CEP128: variants seen among roughly 807,000 people sequenced by gnomAD.
The protein encoded by CEP128 is centrosomal protein 128, also known as centrosomal protein 128kDa.
Under a neutral mutation model 156.7 loss-of-function variants are expected in CEP128, and 132 were observed. The observed-to-expected ratio is 0.84, with a 90% confidence interval of 0.73 to 0.97. The LOEUF (loss-of-function observed/expected upper bound fraction) is 0.97, where lower values mean the gene tolerates loss of function less well. Ranked by LOEUF, CEP128 falls within the 50% of genes least tolerant of loss-of-function variation. CEP128 has a pLI of 0.00. For synonymous variants in CEP128, 469 were observed against 448.9 expected, an observed-to-expected ratio of 1.04 and a Z score of -0.57; for missense variants, 1,252 against 1,281.9, an observed-to-expected ratio of 0.98 and a Z score of 0.36.
At chr14:80,945,043 A>G (rs1163646159), upstream of CEP128, among the ~76,000 whole-genome samples, 1 of 152,088 alleles carries the variant, frequency 6.6e-6, no homozygotes, top group Non-Finnish European at 1.5e-5. Flanking sequence ...TTAGTTTACT[A>G]GGGATTTGAT....
chr14:80,701,346 C>G (rs1416320307), intron 19 of CEP128, among the ~76,000 whole-genome samples: 1 of 152,126 alleles, frequency 6.6e-6, no homozygotes, highest in Non-Finnish European at 1.5e-5. Context: ...TGGACACATA[C>G]CCAGGTCTCA....
intron 9 of CEP128, among the ~76,000 whole-genome samples, chr14:80,860,623 A>T (rs1887468853): frequency 6.9e-6 from 1 of 145,864 alleles, no homozygotes; most frequent in Admixed American, 6.9e-5. Context: ...AATCAAGGTT[A>T]AAAAAAAAAA....
intron 19 of CEP128, among the ~76,000 whole-genome samples, chr14:80,733,407 T>C (rs1260195588): frequency 2.7e-5 from 4 of 150,656 alleles, no homozygotes; most frequent in Admixed American, 6.7e-5. Context: ...TGAACATACA[T>C]AGAAACACAC....
At chr14:80,907,272 G>GA (rs144084629) in intron 4 of CEP128, among the ~76,000 whole-genome samples, 234 of 147,338 alleles carry the variant, frequency 1.6e-3, no homozygotes, top group Non-Finnish European at 1.4e-3. Context: ...ATTTCCGAAA[G>GA]AAAAAAAAAA....
chr14:80,757,376 CTTTAA>C (rs1178655840), intron 17 of CEP128, among the ~76,000 whole-genome samples: 3 of 152,134 alleles, frequency 2.0e-5, no homozygotes, highest in Non-Finnish European at 4.4e-5. Flanking sequence ...ATTTATCCTT[CTTTAA>C]TTTAATAGTA....
At chr14:80,886,428 C>G (rs1358071403) in intron 8 of CEP128, among the ~76,000 whole-genome samples, 1 of 152,204 alleles carries the variant, frequency 6.6e-6, no homozygotes, top group Non-Finnish European at 1.5e-5. Context: ...TACAGCAGAT[C>G]TCTCAGCAGA....
intron 13 of CEP128, among the ~76,000 whole-genome samples, chr14:80,821,977 C>G (rs1182130303): frequency 6.6e-6 from 1 of 152,016 alleles, no homozygotes; most frequent in African/African-American, 2.4e-5. Flanking sequence ...CTCTGCTTTA[C>G]AAAACCATCA....
downstream of CEP128, among the ~76,000 whole-genome samples, chr14:80,485,788 G>A (rs927523714): frequency 3.3e-5 from 5 of 152,226 alleles, no homozygotes; most frequent in Non-Finnish European, 7.3e-5. Flanking sequence ...GGAAACGTAG[G>A]AATTGAAGTA....
chr14:80,487,688 A>G (rs1182056449), downstream of CEP128, among the ~76,000 whole-genome samples: 1 of 152,242 alleles, frequency 6.6e-6, no homozygotes, highest in Non-Finnish European at 1.5e-5. Flanking sequence ...CTCAGACCAC[A>G]GTGCAATCAA....
intron 2 of CEP128, among the ~76,000 whole-genome samples, chr14:80,957,231 C>T (rs1416784191): frequency 6.6e-6 from 1 of 152,136 alleles, no homozygotes; most frequent in Non-Finnish European, 1.5e-5. Flanking sequence ...CTGGATCAAC[C>T]CTGCAGGAAG....
intron 13 of CEP128, among the ~76,000 whole-genome samples, chr14:80,805,718 G>C (rs2139913866): frequency 6.6e-6 from 1 of 152,226 alleles, no homozygotes; most frequent in South Asian, 2.1e-4. Context: ...CTGATACTGA[G>C]AGCACAAGTA....
rs112852520 is a variant in CEP128 at position 80,599,157 on chromosome 14, T to C, written c.2807-18734A>G. Among the ~76,000 whole-genome samples the C allele has an allele frequency of 1.1e-3, 164 of 152,178 alleles. 9 individuals are homozygous for C. The highest frequency in any genetic ancestry group is 6.6e-4 in the Non-Finnish European group (45 of 68,032). On this transcript the variant is annotated intron_variant, in intron 19 of 24. Coordinates refer to ENST00000555265, the MANE Select transcript of CEP128 (RefSeq NM_152446.5). ...GTATTTTGGGCACAATGACAGATAA[T>C]GGATCTTAAATTTTAATTGGTTAAT...
At chr14:80,724,983 CATATATACATATATCATATAT>C (rs1163286539) in intron 19 of CEP128, among the ~76,000 whole-genome samples, 4 of 143,864 alleles carry the variant, frequency 2.8e-5, no homozygotes, top group African/African-American at 1.0e-4. Context: ...ACATATATAT[CATATATACATATATCATATAT>C]ATATATACAT....
intron 19 of CEP128, among the ~76,000 whole-genome samples, chr14:80,735,966 T>A (rs1392560662): frequency 6.6e-6 from 1 of 152,184 alleles, no homozygotes; most frequent in African/African-American, 2.4e-5. Flanking sequence ...CTCTAGAACC[T>A]TAATTTTTTC....
At chr14:80,626,288 C>T (rs1416931680) in intron 19 of CEP128, among the ~76,000 whole-genome samples, 2 of 151,298 alleles carry the variant, frequency 1.3e-5, no homozygotes, top group African/African-American at 4.9e-5. Flanking sequence ...CAAGGTGAAA[C>T]CCCGTCTCTA....
At chr14:80,561,996 C>T (rs1330206927) in intron 20 of CEP128, among the ~76,000 whole-genome samples, 2 of 151,194 alleles carry the variant, frequency 1.3e-5, no homozygotes, top group Non-Finnish European at 1.5e-5. Flanking sequence ...GGCATGATCT[C>T]AACTCACTGC....
chr14:80,751,094 T>C (rs1239362465), intron 18 of CEP128, among the ~76,000 whole-genome samples: 1 of 152,182 alleles, frequency 6.6e-6, no homozygotes, highest in Non-Finnish European at 1.5e-5. Context: ...ACCTGGCACC[T>C]TGATCTTGAA....
At chr14:80,713,405 C>G (rs188392647) in intron 19 of CEP128, among the ~76,000 whole-genome samples, 3 of 151,966 alleles carry the variant, frequency 2.0e-5, no homozygotes, top group Non-Finnish European at 4.4e-5. Context: ...CTTTTCAAAG[C>G]TCTATGACTT....
intron 19 of CEP128, among the ~76,000 whole-genome samples, chr14:80,585,494 G>C (rs1054931015): frequency 6.6e-6 from 1 of 152,176 alleles, no homozygotes; most frequent in Non-Finnish European, 1.5e-5. Flanking sequence ...ATCAAATTGA[G>C]AAATGACTAT....
Sources: gnomAD v4.1 joint callset for allele counts (sites outside exome capture counted in the v4.1 genomes callset) on GRCh38, gnomAD v4.1.1 for gene constraint, MANE v1.5 for transcripts, NCBI Gene and HGNC (gene_info 2026-07-23, HGNC 2026-07-21) for gene names.